EPS15: variants seen among roughly 807,000 people sequenced by gnomAD.
EPS15 encodes the protein epidermal growth factor receptor substrate 15.
Under a neutral mutation model 113.8 loss-of-function variants are expected in EPS15, and 72 were observed. The ratio of observed to expected loss-of-function variants is 0.63; its 90% confidence interval spans 0.52 to 0.77. EPS15 has a LOEUF of 0.77. Ranked by LOEUF, EPS15 falls within the 30% of genes least tolerant of loss-of-function variation. EPS15 has a pLI of 0.00. For synonymous variants in EPS15, 344 were observed against 363.4 expected, an observed-to-expected ratio of 0.95 and a Z score of 0.61; for missense variants, 1,048 against 1,045.8, an observed-to-expected ratio of 1.00 and a Z score of -0.03.
intron 1 of EPS15, among the ~76,000 whole-genome samples, chr1:51,492,865 T>G (rs1644259198): frequency 6.6e-6 from 1 of 152,196 alleles, no homozygotes; most frequent in Non-Finnish European, 1.5e-5. Context: ...GTTTTAGAAA[T>G]GTGAATAAAC....
chr1:51,372,844 TG>T, intron 21 of EPS15: 1 of 597,754 alleles, frequency 1.7e-6, no homozygotes, highest in Admixed American at 3.1e-5. Context: ...AAGAGGTCCA[TG>T]GTTTGAGGAG....
chr1:51,391,103 G>T (rs1647305475), intron 21 of EPS15, among the ~76,000 whole-genome samples: 8 of 152,144 alleles, frequency 5.3e-5, no homozygotes, highest in Admixed American at 5.2e-4. Flanking sequence ...AGAAAATGTG[G>T]CACATATACA....
chr1:51,462,576 C>T (rs1654543876), intron 7 of EPS15, among the ~76,000 whole-genome samples: 4 of 151,874 alleles, frequency 2.6e-5, no homozygotes, highest in Non-Finnish European at 5.9e-5. Context: ...ACAGAGAAGG[C>T]AGATAATTTA....
chr1:51,462,741 CATA>C (rs1255037476), intron 7 of EPS15, among the ~76,000 whole-genome samples: 1 of 151,296 alleles, frequency 6.6e-6, no homozygotes, highest in East Asian at 1.9e-4. Context: ...GGGATAGTTG[CATA>C]ATAATGTAAA....
In EPS15 at chr1:51,355,170, T is replaced by C. The variant is rs181621567; in HGVS notation, c.*1530A>G. ...GTGCAAGATAGTGGTTTAAAGTTTG[T>C]TTTAAACTGTAGGAGTCTAATTGTG... On this transcript the variant is annotated 3_prime_UTR_variant, in exon 25 of 25. Transcript: ENST00000371733. 4.6e-6 allele frequency: 1 copy of C among 218,018 alleles called. No individual in the cohort carries two copies. The highest frequency in any genetic ancestry group is 2.2e-5 in the African/African-American group (1 of 44,608). 13.5% of individuals were successfully genotyped at this position (218,018 alleles called of 1,614,324 possible).
chr1:51,378,777 G>C (rs1424538377), intron 21 of EPS15, among the ~76,000 whole-genome samples: 2 of 152,180 alleles, frequency 1.3e-5, no homozygotes, highest in Non-Finnish European at 2.9e-5. Context: ...CTGGAAGTTA[G>C]TTTTGTGGAA....
At chr1:51,380,152 A>C (rs1646908539) in intron 21 of EPS15, among the ~76,000 whole-genome samples, 1 of 151,876 alleles carries the variant, frequency 6.6e-6, no homozygotes, top group Non-Finnish European at 1.5e-5. Flanking sequence ...TGAACCCAGG[A>C]GGCAGACGTT....
intron 12 of EPS15, among the ~76,000 whole-genome samples, chr1:51,424,881 C>A (rs1287625786): frequency 6.6e-6 from 1 of 151,498 alleles, no homozygotes; most frequent in East Asian, 1.9e-4. Flanking sequence ...CCAGCCTGGG[C>A]AACAGAGTCA....
chr1:51,455,816 T>A (rs1313423764), intron 8 of EPS15, among the ~76,000 whole-genome samples: 1 of 152,168 alleles, frequency 6.6e-6, no homozygotes, highest in African/African-American at 2.4e-5. Context: ...ATTTTTTAAA[T>A]CTATTTTTGT....
chr1:51,505,523 C>G (rs916562882), intron 1 of EPS15, among the ~76,000 whole-genome samples: 1 of 152,016 alleles, frequency 6.6e-6, no homozygotes, highest in Admixed American at 6.6e-5. Flanking sequence ...GGGAAGCATG[C>G]AATATGGGAG....
At chr1:51,519,105 G>T in intron 1 of EPS15, 94 bp downstream of exon 1, 1 of 858,504 alleles carries the variant, frequency 1.2e-6, no homozygotes, top group African/African-American at 1.8e-5. Context: ...GAAGCTGCCT[G>T]CTTGGCCCAC....
chr1:51,356,995 C>T (rs1293248605), intron 24 of EPS15, 149 bp from the exon 25 acceptor site: 2 of 621,060 alleles, frequency 3.2e-6, no homozygotes, highest in African/African-American at 1.9e-5. Flanking sequence ...CCCCTGAAAA[C>T]ATGTTTAATA....
chr1:51,445,576 G>A (rs930011810), intron 10 of EPS15, among the ~76,000 whole-genome samples: 1 of 151,734 alleles, frequency 6.6e-6, no homozygotes, highest in Non-Finnish European at 1.5e-5. Flanking sequence ...CAGCAATCTG[G>A]AAAGCTTTAC....
chr1:51,450,750 A>G (rs1653479805), intron 8 of EPS15, among the ~76,000 whole-genome samples: 1 of 151,870 alleles, frequency 6.6e-6, no homozygotes, highest in South Asian at 2.1e-4. Context: ...GAAATGCTGT[A>G]TGAAAAAGAT....
intron 6 of EPS15, 80 bp from the exon 7 acceptor site, chr1:51,463,878 G>A: frequency 1.3e-6 from 1 of 762,736 alleles, no homozygotes; most frequent in Non-Finnish European, 2.1e-6. Flanking sequence ...AGTCCTTAAA[G>A]AATAGACTAC....
chr1:51,461,220 G>GA, intron 7 of EPS15, 70 bp from the exon 8 acceptor site: 1 of 1,137,350 alleles, frequency 8.8e-7, no homozygotes, highest in Non-Finnish European at 1.3e-6. Context: ...GGCAAGAAAA[G>GA]AAAGTTTATG....
chr1:51,493,998 C>G (rs1644286697), intron 1 of EPS15, among the ~76,000 whole-genome samples: 1 of 152,134 alleles, frequency 6.6e-6, no homozygotes, highest in African/African-American at 2.4e-5. Flanking sequence ...CCTCATTTAC[C>G]TAAGGCTTTG....
At chr1:51,424,252 T>C (rs1256161779) in intron 12 of EPS15, among the ~76,000 whole-genome samples, 1 of 152,160 alleles carries the variant, frequency 6.6e-6, no homozygotes, top group Non-Finnish European at 1.5e-5. Context: ...ATCAAGTAAT[T>C]TTCTTGACCT....
chr1:51,456,032 T>C (rs1653972530), intron 8 of EPS15, among the ~76,000 whole-genome samples: 1 of 152,130 alleles, frequency 6.6e-6, no homozygotes, highest in South Asian at 2.1e-4. Context: ...TGAACAAGCA[T>C]TTACATTTGA....
Sources: allele counts gnomAD v4.1 joint callset (sites outside exome capture counted in the v4.1 genomes callset), GRCh38; gene constraint gnomAD v4.1.1; transcripts MANE v1.5; gene names NCBI Gene and HGNC (gene_info 2026-07-23, HGNC 2026-07-21).